The following TRIM24 variants were observed in gnomAD, a reference collection of about 807,000 sequenced individuals.
TRIM24 encodes tripartite motif containing 24.
TRIM24 carries 29 observed loss-of-function variants against 123.9 expected under a neutral mutation model. The ratio of observed to expected loss-of-function variants is 0.23; its 90% CI spans 0.17 to 0.32. TRIM24 has a LOEUF of 0.32. TRIM24 is among the 10% of genes least tolerant of loss of function. TRIM24 has a pLI of 1.00. For missense variants in TRIM24, 932 were observed against 1,295.3 expected, an observed-to-expected ratio of 0.72 and a Z score of 4.31; for synonymous variants, 456 against 461.1, an observed-to-expected ratio of 0.99 and a Z score of 0.14.
intron 1 of TRIM24, among the ~76,000 whole-genome samples, chr7:138,499,492 C>T (rs1795986821): frequency 6.6e-6 from 1 of 152,172 alleles, no homozygotes; most frequent in Non-Finnish European, 1.5e-5. Flanking sequence ...GGGAAAGCTG[C>T]CCAGAGCAGA....
In TRIM24 at chr7:138,538,590, TG is replaced by T. The variant is rs371012585; in HGVS notation, c.997-65del. ...TTGTAGTTATTCTAATTTGTTTACC[TG>T]GAAATGACCATCAAAGTCTATGTTA... On this transcript the variant is annotated intron_variant, in intron 6 of 18. Transcript: ENST00000343526. 2.6e-6 allele frequency: 4 copies of T among 1,523,334 alleles called. No homozygotes were observed. In the African/African-American group the frequency reaches 5.5e-5, roughly 21 times the overall value. 94.4% of individuals were successfully genotyped at this position (1,523,334 alleles called of 1,614,324 possible). A position where few individuals can be genotyped will look rare whatever the true frequency, so the allele number is the denominator to read the frequency against.
chr7:138,463,527 C>T (rs963054422), intron 1 of TRIM24, among the ~76,000 whole-genome samples: 5 of 152,150 alleles, frequency 3.3e-5, no homozygotes, highest in Non-Finnish European at 7.4e-5. Context: ...CCACCCCACC[C>T]GTCCTCTTCC....
At position 138,587,789 on chromosome 7, in the gene TRIM24, AC is replaced by A. The variant is rs1372026069; in HGVS notation, c.*2839del. On this transcript the variant is annotated 3_prime_UTR_variant, in exon 19 of 19. Transcript: ENST00000343526. Reference sequence around the variant, plus strand: ...AGCTTTTCTAGGTGCCAAGCAACTGACTTTTCCTGTGTAAGGAAGCCCAAGT... The same window carrying A: ...AGCTTTTCTAGGTGCCAAGCAACTGATTTTCCTGTGTAAGGAAGCCCAAGT... 2 of 152,280 alleles carry A rather than the reference AC, an allele frequency of 1.3e-5. No homozygotes were observed. Among genetic ancestry groups the A allele is most frequent in the African/African-American group, 4.8e-5 (2 of 41,452 alleles). 9.4% of individuals were successfully genotyped at this position (152,280 alleles called of 1,614,324 possible). A position where few individuals can be genotyped will look rare whatever the true frequency, so the allele number is the denominator to read the frequency against.
chr7:138,464,215 C>G (rs772932139), intron 1 of TRIM24, among the ~76,000 whole-genome samples: 1 of 151,548 alleles, frequency 6.6e-6, no homozygotes, highest in African/African-American at 2.4e-5. Context: ...CCAGGATGGT[C>G]TCGATCTCCT....
At chr7:138,516,775 A>C (rs1395313091) in intron 3 of TRIM24, among the ~76,000 whole-genome samples, 1 of 151,122 alleles carries the variant, frequency 6.6e-6, no homozygotes, top group Non-Finnish European at 1.5e-5. Context: ...GGATTCATCC[A>C]TGTAATAGCA....
intron 6 of TRIM24, among the ~76,000 whole-genome samples, chr7:138,532,969 G>A (rs1233719587): frequency 3.9e-5 from 6 of 152,204 alleles, no homozygotes; most frequent in East Asian, 1.9e-4. Flanking sequence ...TATTCTCTTC[G>A]AAGCAATTGT....
At chr7:138,483,109 G>GA (rs1350339656) in intron 1 of TRIM24, among the ~76,000 whole-genome samples, 1 of 151,820 alleles carries the variant, frequency 6.6e-6, no homozygotes, top group Non-Finnish European at 1.5e-5. Flanking sequence ...TGTAGCGGGG[G>GA]GGGTCTCACT....
chr7:138,530,949 G>T (rs1293178436), intron 6 of TRIM24, among the ~76,000 whole-genome samples: 4 of 151,812 alleles, frequency 2.6e-5, no homozygotes, highest in Non-Finnish European at 5.9e-5. Flanking sequence ...TCACTCTAGT[G>T]AATTTTCTTA....
chr7:138,475,848 C>T (rs893006470), intron 1 of TRIM24, among the ~76,000 whole-genome samples: 2 of 151,966 alleles, frequency 1.3e-5, no homozygotes, highest in African/African-American at 2.4e-5. Context: ...TCTGCAAAAT[C>T]GAAAAACTCA....
chr7:138,479,969 C>T (rs1441049388), intron 1 of TRIM24, among the ~76,000 whole-genome samples: 1 of 151,638 alleles, frequency 6.6e-6, no homozygotes, highest in East Asian at 1.9e-4. Context: ...CAGACATGCG[C>T]CAACACCTCC....
chr7:138,481,195 T>C (rs1795518938), intron 1 of TRIM24, among the ~76,000 whole-genome samples: 1 of 152,028 alleles, frequency 6.6e-6, no homozygotes, highest in Non-Finnish European at 1.5e-5. Flanking sequence ...TTTCTCCATG[T>C]TGGTCGGGCT....
chr7:138,576,059 G>A (rs1464795936), intron 12 of TRIM24, among the ~76,000 whole-genome samples: 2 of 152,098 alleles, frequency 1.3e-5, no homozygotes, highest in African/African-American at 2.4e-5. Flanking sequence ...ACCCCAAGCT[G>A]GGAAGTATAG....
At chr7:138,508,676 T>C (rs534965795) in intron 2 of TRIM24, among the ~76,000 whole-genome samples, 1,684 of 55,782 alleles carry the variant, frequency 0.03, 25 homozygotes, top group Non-Finnish European at 0.04. Context: ...TGTGTGTGTG[T>C]GTGTGTGTGT....
intron 2 of TRIM24, among the ~76,000 whole-genome samples, chr7:138,513,407 T>C (rs1253631856): frequency 6.6e-6 from 1 of 152,138 alleles, no homozygotes; most frequent in Non-Finnish European, 1.5e-5. Context: ...TAAAGAAATA[T>C]CTGAGACTGG....
intron 2 of TRIM24, among the ~76,000 whole-genome samples, chr7:138,508,720 CGTGTGTGTGT>C (rs113425807): frequency 2.8e-5 from 2 of 72,594 alleles, no homozygotes; most frequent in South Asian, 4.8e-4. Context: ...TGTGTGTGTG[CGTGTGTGTGT>C]GTGTGTGTGT....
chr7:138,464,523 A>T (rs1340404345), intron 1 of TRIM24, among the ~76,000 whole-genome samples: 1 of 152,040 alleles, frequency 6.6e-6, no homozygotes, highest in Non-Finnish European at 1.5e-5. Context: ...GCAATTTGTC[A>T]TGTGAGTGCA....
At chr7:138,487,177 C>T (rs1378849787) in intron 1 of TRIM24, among the ~76,000 whole-genome samples, 2 of 152,126 alleles carry the variant, frequency 1.3e-5, no homozygotes, top group African/African-American at 2.4e-5. Context: ...GTGATTTTTG[C>T]ACCTTGATTT....
At chr7:138,477,796 C>T (rs763203027) in intron 1 of TRIM24, among the ~76,000 whole-genome samples, 3 of 152,096 alleles carry the variant, frequency 2.0e-5, no homozygotes, top group African/African-American at 4.8e-5. Flanking sequence ...AGGATGGCAG[C>T]TTGCAGCAGG....
At chr7:138,490,848 C>A in intron 1 of TRIM24, 1 of 459,782 alleles carries the variant, frequency 2.2e-6, no homozygotes, top group South Asian at 1.7e-5. Context: ...CTGTACCTGT[C>A]AGGTCATGAT....
Sources: gnomAD v4.1 joint callset for allele counts (sites outside exome capture counted in the v4.1 genomes callset) on GRCh38, gnomAD v4.1.1 for gene constraint, MANE v1.5 for transcripts, NCBI Gene and HGNC (gene_info 2026-07-23, HGNC 2026-07-21) for gene names.